Variants in COL4A2 observed in about 807,000 individuals in gnomAD.
COL4A2 encodes collagen alpha-2(IV) chain.
COL4A2 carries 99 observed loss-of-function variants against 200.2 expected under a neutral mutation model. The ratio of observed to expected loss-of-function variants is 0.49; its 90% CI spans 0.42 to 0.58. COL4A2 has a LOEUF of 0.58. Among genes scored for constraint, COL4A2 ranks in the 20% least tolerant of loss-of-function variants. The pLI is 0.00. For synonymous variants in COL4A2, 897 were observed against 900.6 expected, an observed-to-expected ratio of 1.00 and a Z score of 0.07; for missense variants, 1,950 against 2,314.1, an observed-to-expected ratio of 0.84 and a Z score of 3.23.
Position 110,503,447 on chromosome 13 carries a change from C to A in COL4A2, c.4104C>A (p.Gly1368=). Residue 1368 remains glycine (G), a synonymous_variant, in exon 43 of 48, where the codon GGC becomes GGA. Coordinates refer to ENST00000360467, the MANE Select transcript of COL4A2 (RefSeq NM_001846.4). ...TGPTGAVGDR[G]PKGPKGDPGF... ...CCACTGGGGCGGTGGGCGACAGAGG[C>A]CCCAAGGGACCCAAGGGAGACCCAG... The A allele has an allele frequency of 6.3e-7, 1 of 1,579,956 alleles. No homozygotes were observed. The highest frequency in any genetic ancestry group is 8.6e-7 in the Non-Finnish European group (1 of 1,161,872).
At chr13:110,462,030 T>A (rs533986310) in intron 22 of COL4A2, 84 bp from the exon 23 acceptor site, 4 of 1,565,758 alleles carry the variant, frequency 2.6e-6, no homozygotes, top group Non-Finnish European at 3.5e-6. Flanking sequence ...GCCAGCTGTG[T>A]GAGATGAAAA....
intron 28 of COL4A2, among the ~76,000 whole-genome samples, chr13:110,472,331 G>A (rs532553546): frequency 6.6e-6 from 1 of 152,152 alleles, no homozygotes; most frequent in South Asian, 2.1e-4. Flanking sequence ...TAGCCAGGAT[G>A]GTCTCGATCT....
At chr13:110,474,139 AAAGAAAAG>A (rs1882586886) in intron 29 of COL4A2, among the ~76,000 whole-genome samples, 1 of 152,114 alleles carries the variant, frequency 6.6e-6, no homozygotes, top group South Asian at 2.1e-4. Flanking sequence ...AAAGAAAAGA[AAAGAAAAG>A]AAAATGTGGG....
intron 4 of COL4A2, among the ~76,000 whole-genome samples, chr13:110,361,908 C>T (rs920508276): frequency 3.3e-5 from 5 of 152,218 alleles, no homozygotes; most frequent in Non-Finnish European, 7.3e-5. Context: ...AGTTCACGTA[C>T]GAGCACACTG....
At position 110,506,406 on chromosome 13, in the gene COL4A2, G is replaced by C; in HGVS notation, c.4403-9G>C. ...AGGCCGTCCACTCTCTCTCTTTCTCGGGCTGCAGGTGCACCAGGCCGTCCA... is the reference window on the plus strand; with the variant it reads ...AGGCCGTCCACTCTCTCTCTTTCTCCGGCTGCAGGTGCACCAGGCCGTCCA... On this transcript the variant is annotated splice_polypyrimidine_tract_variant and intron_variant, in intron 45 of 47. Transcript: ENST00000360467. 1 of 1,600,356 alleles carries C rather than the reference G, an allele frequency of 6.2e-7. No individual in the cohort carries two copies. The highest frequency in any genetic ancestry group is 8.5e-7 in the Non-Finnish European group (1 of 1,174,732).
Position 110,462,121 on chromosome 13 carries a change from C to T in COL4A2, c.1604C>T (p.Pro535Leu). 6.2e-7 allele frequency: 1 copy of T among 1,614,264 alleles called. No individual in the cohort carries two copies. Among genetic ancestry groups the T allele is most frequent in the Non-Finnish European group, 8.5e-7 (1 of 1,180,056 alleles). Residue 535 changes from proline (P) to leucine (L), a missense_variant, in exon 23 of 48, where the codon CCT (proline) becomes CTT (leucine). Physicochemically the swap from Pro to Leu is moderately conservative, Grantham distance 98 (BLOSUM62 -3). Coordinates refer to ENST00000360467, the MANE Select transcript of COL4A2 (RefSeq NM_001846.4). ...TTTGTCTGTTTTCCACAGGGAGTGC[C>T]TGGCAACATTGGTGCTCCCGGACCC... ...LPGFPGLKGVPGNIGAPGPKG... is the reference protein window; with the variant it reads ...LPGFPGLKGVLGNIGAPGPKG...
chr13:110,309,807 C>T (rs114464389), intron 3 of COL4A2, among the ~76,000 whole-genome samples: 1,545 of 151,834 alleles, frequency 0.01, 25 homozygotes, highest in African/African-American at 0.035. Flanking sequence ...GGGAGAAACA[C>T]GGTAAAACCC....
intron 28 of COL4A2, among the ~76,000 whole-genome samples, chr13:110,472,264 C>T (rs555236633): frequency 2.7e-5 from 4 of 146,662 alleles, no homozygotes; most frequent in South Asian, 2.1e-4. Context: ...TACAGGCATC[C>T]GCCACCACAC....
chr13:110,481,828 C>T (rs113269533), intron 31 of COL4A2, among the ~76,000 whole-genome samples: 94 of 39,088 alleles, frequency 2.4e-3, no homozygotes, highest in African/African-American at 7.2e-3. Flanking sequence ...TGCTCTGTCC[C>T]TCCGTTGCTG....
chr13:110,503,526 C>G, intron 43 of COL4A2, 45 bp downstream of exon 43: 1 of 1,205,048 alleles, frequency 8.3e-7, no homozygotes, highest in Non-Finnish European at 1.2e-6. Context: ...CTCAGCCCAG[C>G]CTCTCCAGGC....
At chr13:110,386,003 C>T (rs143501641) in intron 4 of COL4A2, among the ~76,000 whole-genome samples, 1,976 of 6,888 alleles carry the variant, frequency 0.29, 427 homozygotes, top group African/African-American at 0.33. Context: ...GGGCCGTGGT[C>T]ACAGCGTGTG....
rs78742301 is a variant in COL4A2, at chr13:110,449,090, G to A, written c.1079-589G>A. 6.6e-5 allele frequency among the ~76,000 whole-genome samples: 10 copies of A among 152,360 alleles called. No homozygotes were observed. The East Asian group carries it at 1.7e-3, about 26-fold the overall frequency. On this transcript the variant is annotated intron_variant, in intron 18 of 47. Transcript: ENST00000360467. ...CTTATTTTAAGGAACTTCGTAAGACGACATGCAGAGTGAAAGCTTTCCTAG... is the reference window on the plus strand; with the variant it reads ...CTTATTTTAAGGAACTTCGTAAGACAACATGCAGAGTGAAAGCTTTCCTAG...
intron 20 of COL4A2, among the ~76,000 whole-genome samples, chr13:110,452,354 G>A (rs1314354039): frequency 1.3e-5 from 2 of 152,226 alleles, no homozygotes; most frequent in Non-Finnish European, 2.9e-5. Context: ...AATAGAGACG[G>A]GGTTTCACCA....
chr13:110,350,051 C>T (rs937774535), intron 3 of COL4A2, among the ~76,000 whole-genome samples: 2 of 152,168 alleles, frequency 1.3e-5, no homozygotes, highest in East Asian at 1.9e-4. Context: ...GCGTGAGCCA[C>T]CACACCCAGC....
At position 110,394,255 on chromosome 13, in the gene COL4A2, G is replaced by A. The variant is rs542170884; in HGVS notation, c.181-30479G>A. Among the ~76,000 whole-genome samples the A allele has an allele frequency of 1.2e-3, 180 of 152,290 alleles. 1 individual carries two copies. The highest frequency in any genetic ancestry group is 4.0e-3 in the African/African-American group (166 of 41,568). On this transcript the variant is annotated intron_variant, in intron 4 of 47. Transcript: ENST00000360467. The stretch of plus-strand genomic sequence containing the variant: ...AGACACTGTTTTGCTCTGTGTGTGC[G>A]TGTGTGTGTCTGTGTGTAATTAACT...
intron 4 of COL4A2, among the ~76,000 whole-genome samples, chr13:110,406,734 A>G (rs1235061601): frequency 6.6e-6 from 1 of 151,880 alleles, no homozygotes; most frequent in Non-Finnish European, 1.5e-5. Context: ...GTTCTCTCTC[A>G]TGTTTTTTCT....
intron 4 of COL4A2, among the ~76,000 whole-genome samples, chr13:110,393,586 A>G (rs138397169): frequency 1.3e-3 from 192 of 148,950 alleles, no homozygotes; most frequent in African/African-American, 4.4e-3. Flanking sequence ...TAAAGAGGGA[A>G]AAAAAAAAAA....
Position 110,508,114 on chromosome 13 carries a change from G to T in COL4A2, c.4774G>T (p.Val1592Leu). ...EIKPYISRCS[V>L]CEAPAIAIAV... is the part of the protein sequence containing the mutation. ...CAAGCCCTACATCAGCCGCTGTTCT[G>T]TGTGTGAGGCCCCGGCCATCGCCAT... The change falls in exon 47 of 48, where the codon GTG becomes TTG. Residue 1592 changes from valine (V) to leucine (L), a missense_variant. Coordinates refer to ENST00000360467, the MANE Select transcript of COL4A2 (RefSeq NM_001846.4). This position sits in a 1 kb window ranked among gnomAD's most constrained non-coding sequence, Gnocchi z 6.1. 6.2e-7 allele frequency: 1 copy of T among 1,614,254 alleles called. No homozygotes were observed.
Position 110,482,731 on chromosome 13 carries a change from A to G in COL4A2, c.2902+72A>G, listed in dbSNP as rs937199348. ...CTCCTTACCCTTTCTTGGTGGCATA[A>G]CATTGCCCAGAATGAATTTTTGAAA... On this transcript the variant is annotated intron_variant, in intron 32 of 47. Transcript: ENST00000360467. 3 of 1,499,366 alleles carry G rather than the reference A, an allele frequency of 2.0e-6. No homozygotes were observed. In the African/African-American group the frequency reaches 4.2e-5, roughly 21 times the overall value. The allele number at this position is 1,499,366 out of a possible 1,614,324, so 92.9% of individuals were successfully genotyped here.
Sources: allele counts gnomAD v4.1 joint callset (sites outside exome capture counted in the v4.1 genomes callset), GRCh38; gene constraint gnomAD v4.1.1; non-coding constraint Gnocchi (gnomAD v3.1); transcripts MANE v1.5; gene names NCBI Gene and HGNC (gene_info 2026-07-23, HGNC 2026-07-21).